The following SUFU variants were observed in gnomAD, a reference collection of about 807,000 sequenced individuals.
SUFU encodes SUFU negative regulator of hedgehog signaling.
A neutral mutation model predicts 58.9 loss-of-function variants in SUFU; 7 were observed. That is an observed-to-expected ratio of 0.12 (90% CI 0.07 to 0.22). The LOEUF is 0.22. Among genes scored for constraint, SUFU ranks in the 10% least tolerant of loss-of-function variants. SUFU has a pLI of 1.00. For missense variants in SUFU, 451 were observed against 641.3 expected (o/e 0.70, Z 3.20); for synonymous variants, 232 against 254.8 (o/e 0.91, Z 0.85).
chr10:102,583,114 G>A (rs1438367710), intron 3 of SUFU, among the ~76,000 whole-genome samples: 2 of 152,160 alleles, frequency 1.3e-5, no homozygotes, highest in Non-Finnish European at 2.9e-5. Context: ...CCAACAGAAT[G>A]GGTCTGAGCA....
intron 3 of SUFU, among the ~76,000 whole-genome samples, chr10:102,551,726 T>TC (rs1276930563): frequency 1.5e-5 from 2 of 136,990 alleles, no homozygotes; most frequent in East Asian, 4.3e-4. Flanking sequence ...TCTTTTTTTT[T>TC]TTTTTTTTTT....
At chr10:102,546,129 G>C (rs2062852073) in intron 2 of SUFU, among the ~76,000 whole-genome samples, 1 of 152,206 alleles carries the variant, frequency 6.6e-6, no homozygotes, top group Non-Finnish European at 1.5e-5. Flanking sequence ...TAGGATTCAA[G>C]GCATGTGTTC....
chr10:102,509,436 T>G, intron 2 of SUFU, 133 bp downstream of exon 2: 4 of 1,300,968 alleles, frequency 3.1e-6, no homozygotes, highest in Non-Finnish European at 4.4e-6. Flanking sequence ...TCTGACTATA[T>G]CTACTCATGC....
intron 2 of SUFU, among the ~76,000 whole-genome samples, chr10:102,516,704 C>A (rs544474795): frequency 6.6e-6 from 1 of 151,850 alleles, no homozygotes; most frequent in South Asian, 2.1e-4. Flanking sequence ...CCCGCCAACA[C>A]GCCCAGCTAA....
At chr10:102,524,966 A>G (rs1009002039) in intron 2 of SUFU, among the ~76,000 whole-genome samples, 7 of 152,262 alleles carry the variant, frequency 4.6e-5, no homozygotes, top group Non-Finnish European at 1.0e-4. Context: ...AGCTCATTCA[A>G]GAGCACTTCT....
chr10:102,591,575 T>G (rs1250967495), intron 3 of SUFU: 1 of 151,774 alleles, frequency 6.6e-6, no homozygotes, highest in Non-Finnish European at 1.5e-5. Flanking sequence ...CAGAGAAGAT[T>G]AGTATGGCCC....
Position 102,617,226 on chromosome 10 carries a change from G to T in SUFU, c.1158-64G>T, listed in dbSNP as rs1021286215. 3 of 1,611,698 alleles carry T rather than the reference G, an allele frequency of 1.9e-6. No individual in the cohort carries two copies. The African/African-American group carries it at 4.0e-5, about 21-fold the overall frequency. ...CCCACTGTCCCAGAGCCTTGGCCAG[G>T]CCTGCTGTGCTTGGAACTGTTTCCA... On this transcript the variant is annotated intron_variant, in intron 9 of 11. Coordinates refer to ENST00000369902, the MANE Select transcript of SUFU (RefSeq NM_016169.4). This position sits in a 1 kb window ranked among gnomAD's most constrained non-coding sequence, Gnocchi z 4.4.
chr10:102,617,446 C>A lies in SUFU; in HGVS notation c.1296+18C>A. ...GGTTACAAGTGAGAAGGCCCTTTTT[C>A]TTCTCCCTCCTTCCTTTCATAGACT... On this transcript the variant is annotated intron_variant, in intron 10 of 11. Transcript: ENST00000369902. The surrounding 1 kb of genome is among the most constrained non-coding windows in gnomAD (Gnocchi z 4.4). The A allele has an allele frequency of 1.9e-6, 3 of 1,614,124 alleles. No individual in the cohort carries two copies. Among genetic ancestry groups the A allele is most frequent in the African/African-American group, 1.3e-5 (1 of 75,036 alleles).
rs2063851687 is a variant in SUFU at position 102,633,139 on chromosome 10, C to T, written c.*2984C>T. 4.3e-6 allele frequency: 1 copy of T among 233,308 alleles called. No homozygotes were observed. The highest frequency in any genetic ancestry group is 8.5e-6 in the Non-Finnish European group (1 of 118,024). 14.5% of individuals were successfully genotyped at this position (233,308 alleles called of 1,614,324 possible). A position where few individuals can be genotyped will look rare whatever the true frequency, so the allele number is the denominator to read the frequency against. ...ATGGGGCTGACCAGTAGAGAATTTC[C>T]TTTACTGTATTTTTGTGTCTGGTCT... On this transcript the variant is annotated 3_prime_UTR_variant, in exon 12 of 12. Transcript: ENST00000369902.
chr10:102,541,501 C>T (rs1320473617), intron 2 of SUFU, among the ~76,000 whole-genome samples: 1 of 151,148 alleles, frequency 6.6e-6, no homozygotes, highest in Non-Finnish European at 1.5e-5. Flanking sequence ...TGGGTTCAAG[C>T]GATTCCCCTG....
intron 2 of SUFU, among the ~76,000 whole-genome samples, chr10:102,539,053 T>A (rs2062771844): frequency 6.6e-6 from 1 of 152,196 alleles, no homozygotes; most frequent in Non-Finnish European, 1.5e-5. Flanking sequence ...TGACCAACTG[T>A]CCCCATTTGC....
intron 10 of SUFU, among the ~76,000 whole-genome samples, chr10:102,624,263 T>C (rs2063767431): frequency 6.6e-6 from 1 of 152,200 alleles, no homozygotes; most frequent in Non-Finnish European, 1.5e-5. Context: ...AGGGCAAGTC[T>C]GTTACTCGGG....
intron 1 of SUFU, among the ~76,000 whole-genome samples, chr10:102,505,585 G>A (rs566146454): frequency 3.0e-4 from 45 of 152,338 alleles, no homozygotes; most frequent in African/African-American, 1.0e-3. Context: ...GGACATCGGT[G>A]TCAGTAGGCT....
At chr10:102,595,565 G>C (rs1411241687) in intron 6 of SUFU, among the ~76,000 whole-genome samples, 1 of 143,126 alleles carries the variant, frequency 7.0e-6, no homozygotes, top group Non-Finnish European at 1.5e-5. Flanking sequence ...CACTAGTAGG[G>C]TAAACAGCTG....
rs1367909006 is a variant in SUFU, at chr10:102,568,931, T to C, written c.454+18825T>C. Among the ~76,000 whole-genome samples, 61 of 34,046 alleles carry C rather than the reference T, an allele frequency of 1.8e-3. 1 individual carries two copies. Among genetic ancestry groups the C allele is most frequent in the African/African-American group, 4.7e-3 (45 of 9,630 alleles). 22.3% of individuals were successfully genotyped at this position (34,046 alleles called of 152,430 possible). A position where few individuals can be genotyped will look rare whatever the true frequency, so the allele number is the denominator to read the frequency against. On this transcript the variant is annotated intron_variant, in intron 3 of 11. Coordinates refer to ENST00000369902, the MANE Select transcript of SUFU (RefSeq NM_016169.4). ...ATATATATATATATACACATATATA[T>C]ATATATATATATATATATATATATA... is the stretch of plus-strand genomic sequence containing the variant.
intron 3 of SUFU, among the ~76,000 whole-genome samples, chr10:102,578,365 G>A (rs1471202195): frequency 1.3e-5 from 2 of 152,030 alleles, no homozygotes; most frequent in African/African-American, 2.4e-5. Context: ...ATCACTTGAA[G>A]TCAGGAGTTC....
intron 3 of SUFU, chr10:102,573,034 G>A (rs1029683812): frequency 2.2e-5 from 21 of 937,982 alleles, no homozygotes; most frequent in Non-Finnish European, 3.5e-5. Flanking sequence ...CTCCGGGGTT[G>A]GTCTTCTGAG....
chr10:102,509,339 T>A, intron 2 of SUFU, 36 bp downstream of exon 2: 1 of 1,611,928 alleles, frequency 6.2e-7, no homozygotes. Context: ...TCCAGAGCCT[T>A]ATTCCTGAGG....
chr10:102,593,740 TG>T lies in SUFU; in HGVS notation c.683+22del. 1 of 1,613,080 alleles carries T rather than the reference TG, an allele frequency of 6.2e-7. No individual in the cohort carries two copies. The highest frequency in any genetic ancestry group is 2.2e-5 in the East Asian group (1 of 44,858). On this transcript the variant is annotated intron_variant, in intron 5 of 11. Transcript: ENST00000369902. Reference sequence around the variant, plus strand: ...TGCCTATGTGAGTACCCATGCAAGGTGGGAGCGCGGCTCCCTGGGCCTGGGG... The same window carrying T: ...TGCCTATGTGAGTACCCATGCAAGGTGGAGCGCGGCTCCCTGGGCCTGGGG...
Sources: allele counts gnomAD v4.1 joint callset (sites outside exome capture counted in the v4.1 genomes callset), GRCh38; gene constraint gnomAD v4.1.1; non-coding constraint Gnocchi (gnomAD v3.1); transcripts MANE v1.5; gene names NCBI Gene and HGNC (gene_info 2026-07-23, HGNC 2026-07-21).